The following PCIF1 variants were observed in gnomAD, a reference collection of about 807,000 sequenced individuals.
The protein encoded by PCIF1 is phosphorylated CTD interacting factor 1, also known as mRNA (2'-O-methyladenosine-N(6)-)-methyltransferase.
PCIF1 carries 12 observed loss-of-function variants against 86.9 expected under a neutral mutation model. The ratio of observed to expected loss-of-function variants is 0.14; its 90% CI spans 0.09 to 0.22. The LOEUF is 0.22. Ranked by LOEUF, PCIF1 falls within the 10% of genes least tolerant of loss-of-function variation. PCIF1 has a pLI of 1.00. For synonymous variants in PCIF1, 397 were observed against 372.0 expected, an observed-to-expected ratio of 1.07 and a Z score of -0.77; for missense variants, 701 against 951.1, an observed-to-expected ratio of 0.74 and a Z score of 3.46.
In PCIF1 at chr20:45,943,290, T is replaced by C. The variant is rs1173305215; in HGVS notation, c.821+46T>C. On this transcript the variant is annotated intron_variant, in intron 8 of 16. Transcript: ENST00000372409. This position sits in a 1 kb window ranked among gnomAD's most constrained non-coding sequence, Gnocchi z 5.5. ...ATGACCCTGGGCCATTTGGTTTCTG[T>C]GCCCAGTCATGTATAGAAGGCCTCT... 6.2e-7 allele frequency: 1 copy of C among 1,613,868 alleles called. No homozygotes were observed. The highest frequency in any genetic ancestry group is 2.2e-5 in the East Asian group (1 of 44,878).
rs756727180 is a variant in PCIF1 at position 45,946,313 on chromosome 20, A to G, written c.1542A>G (p.Ser514=). The G allele has an allele frequency of 1.1e-5, 18 of 1,613,904 alleles. No individual in the cohort carries two copies. The East Asian group carries it at 4.0e-4, about 36-fold the overall frequency. ...LFGVSFECFA[S]PLNCYFRQYC... ...GCGTCAGCTTCGAGTGCTTCGCCTC[A>G]CCCCTCAACTGCTACTTCCGCCAGT... The change falls in exon 14 of 17, where the codon TCA becomes TCG. Residue 514 remains serine, a synonymous_variant. Coordinates refer to ENST00000372409, the MANE Select transcript of PCIF1 (RefSeq NM_022104.4).
In PCIF1 at chr20:45,943,294, C is replaced by T; in HGVS notation, c.822-46C>T. On this transcript the variant is annotated intron_variant, in intron 8 of 16. Transcript: ENST00000372409. This position sits in a 1 kb window ranked among gnomAD's most constrained non-coding sequence, Gnocchi z 5.5. ...CCCTGGGCCATTTGGTTTCTGTGCC[C>T]AGTCATGTATAGAAGGCCTCTAACT... 1 of 1,613,828 alleles carries T rather than the reference C, an allele frequency of 6.2e-7. No individual in the cohort carries two copies. The highest frequency in any genetic ancestry group is 8.5e-7 in the Non-Finnish European group (1 of 1,179,720).
chr20:45,944,192 C>G (rs764446751), intron 10 of PCIF1, among the ~76,000 whole-genome samples: 10 of 152,118 alleles, frequency 6.6e-5, no homozygotes, highest in Non-Finnish European at 1.3e-4. Flanking sequence ...CTGGCCAAAA[C>G]CTATCACTTC....
intron 4 of PCIF1, among the ~76,000 whole-genome samples, chr20:45,939,757 AGAGT>A (rs2083454556): frequency 6.6e-6 from 1 of 152,216 alleles, no homozygotes; most frequent in Non-Finnish European, 1.5e-5. Context: ...TTAAGGTGAG[AGAGT>A]GAGTGAGTGT....
intron 7 of PCIF1, among the ~76,000 whole-genome samples, chr20:45,942,455 T>C (rs977888056): frequency 2.6e-5 from 4 of 151,092 alleles, no homozygotes; most frequent in African/African-American, 9.7e-5. Flanking sequence ...GCTGGGAATA[T>C]GGGCACATGC....
In PCIF1 at chr20:45,947,022, G is replaced by A; in HGVS notation, c.1614-51G>A. On this transcript the variant is annotated intron_variant, in intron 14 of 16. Transcript: ENST00000372409. The surrounding 1 kb of genome is among the most constrained non-coding windows in gnomAD (Gnocchi z 5.4). The stretch of plus-strand genomic sequence containing the variant: ...GGTTGGGGGGTGGCACCTGTTTCTG[G>A]TTGAGGGACTGGGTCCTGATGGGAC... 6.6e-7 allele frequency: 1 copy of A among 1,510,624 alleles called. No homozygotes were observed. The highest frequency in any genetic ancestry group is 9.1e-7 in the Non-Finnish European group (1 of 1,103,346). 93.6% of individuals were successfully genotyped at this position (1,510,624 alleles called of 1,614,324 possible). A position where few individuals can be genotyped will look rare whatever the true frequency, so the allele number is the denominator to read the frequency against.
At position 45,943,581 on chromosome 20, in the gene PCIF1, G is replaced by T. The variant is rs905912905; in HGVS notation, c.906-85G>T. 14 of 1,405,198 alleles carry T rather than the reference G, an allele frequency of 1.0e-5. No homozygotes were observed. In the African/African-American group the frequency reaches 1.3e-4, roughly 13 times the overall value. 87.0% of individuals were successfully genotyped at this position (1,405,198 alleles called of 1,614,324 possible). On this transcript the variant is annotated intron_variant, in intron 9 of 16. Coordinates refer to ENST00000372409, the MANE Select transcript of PCIF1 (RefSeq NM_022104.4). This position sits in a 1 kb window ranked among gnomAD's most constrained non-coding sequence, Gnocchi z 5.5. Reference sequence around the variant, plus strand: ...ACAAGGGCTGTGATGGAAGCTAGGGGTTGATACCCAGCGAGCCCATGGAAT... The same window carrying T: ...ACAAGGGCTGTGATGGAAGCTAGGGTTTGATACCCAGCGAGCCCATGGAAT...
rs1490686501 is a variant in PCIF1 at position 45,947,769 on chromosome 20, G to A, written c.*14G>A. On this transcript the variant is annotated 3_prime_UTR_variant, in exon 17 of 17. Transcript: ENST00000372409. This position sits in a 1 kb window ranked among gnomAD's most constrained non-coding sequence, Gnocchi z 5.4. ...CACCCCACTTAACATATCCTGCGGGGAGGAGGAGCCCCAGGGGTGCTAGTC... is the reference window on the plus strand; with the variant it reads ...CACCCCACTTAACATATCCTGCGGGAAGGAGGAGCCCCAGGGGTGCTAGTC... The A allele has an allele frequency of 1.3e-6, 2 of 1,590,986 alleles. No individual in the cohort carries two copies. Among genetic ancestry groups the A allele is most frequent in the African/African-American group, 1.3e-5 (1 of 74,254 alleles).
chr20:45,938,209 A>G (rs1213358977), intron 2 of PCIF1, among the ~76,000 whole-genome samples: 1 of 152,222 alleles, frequency 6.6e-6, no homozygotes, highest in Non-Finnish European at 1.5e-5. Context: ...TGGTACTTAC[A>G]GTAAATATTC....
rs2083437376 is a variant in PCIF1, at chr20:45,937,585, G to A, written c.-20G>A. 1 of 398,870 alleles carries A rather than the reference G, an allele frequency of 2.5e-6. No homozygotes were observed. The highest frequency in any genetic ancestry group is 2.1e-5 in the African/African-American group (1 of 48,746). 24.7% of individuals were successfully genotyped at this position (398,870 alleles called of 1,614,324 possible). ...CATGCTAACGTTGCAGACCCCAGAG[G>A]GTGAGAGAAAGGGGGACTTCATTCA... On this transcript the variant is annotated splice_region_variant and 5_prime_UTR_variant, in exon 2 of 17. Transcript: ENST00000372409.
In PCIF1 at chr20:45,943,039, G is replaced by A. The variant is rs1036021789; in HGVS notation, c.674-58G>A. 347 of 1,556,908 alleles carry A rather than the reference G, an allele frequency of 2.2e-4. No homozygotes were observed. Among genetic ancestry groups the A allele is most frequent in the Non-Finnish European group, 2.8e-4 (319 of 1,138,240 alleles). ...ATGCGATGCTTCCTATACGTGCCAA[G>A]CTCCAAGTGGGACTGCTTGATTAAA... is the stretch of plus-strand genomic sequence containing the variant. On this transcript the variant is annotated intron_variant, in intron 7 of 16. Coordinates refer to ENST00000372409, the MANE Select transcript of PCIF1 (RefSeq NM_022104.4). The surrounding 1 kb of genome is among the most constrained non-coding windows in gnomAD (Gnocchi z 5.5).
chr20:45,942,564 C>G (rs1600506142), intron 7 of PCIF1, among the ~76,000 whole-genome samples: 1 of 152,138 alleles, frequency 6.6e-6, no homozygotes, highest in East Asian at 1.9e-4. Flanking sequence ...ATCCACCCAT[C>G]TCGGCCTCCT....
chr20:45,935,366 G>A (rs535679561), intron 1 of PCIF1, among the ~76,000 whole-genome samples: 2 of 152,258 alleles, frequency 1.3e-5, no homozygotes, highest in Admixed American at 1.3e-4. Context: ...CTGGCTTCTG[G>A]TGGGTTTTTC....
In PCIF1 at chr20:45,941,094, A is replaced by G. The variant is rs574698419; in HGVS notation, c.560A>G (p.Lys187Arg). The change falls in exon 7 of 17, where the codon AAG becomes AGG. Residue 187 changes from lysine (K) to arginine (R), a missense_variant. Physicochemically the swap from Lys to Arg is conservative, Grantham distance 26. Around this residue, in one of 7 missense-constraint regions of PCIF1, gnomAD observed 125 missense variants for 126.8 expected, o/e 0.99. Coordinates refer to ENST00000372409, the MANE Select transcript of PCIF1 (RefSeq NM_022104.4). ...GACATCCAGACCAATGCTGTCATCAAGCACCGGGGGCCTTCAGAGGTGCTG... is the reference window on the plus strand; with the variant it reads ...GACATCCAGACCAATGCTGTCATCAGGCACCGGGGGCCTTCAGAGGTGCTG... The part of the protein sequence containing the change: ...DLDIQTNAVI[K>R]HRGPSEVLPP... 1.7e-4 allele frequency: 273 copies of G among 1,614,210 alleles called. 4 individuals carry two copies. The South Asian group carries it at 2.9e-3, about 17-fold the overall frequency.
intron 1 of PCIF1, among the ~76,000 whole-genome samples, chr20:45,936,750 G>A (rs958404947): frequency 6.6e-6 from 1 of 152,088 alleles, no homozygotes; most frequent in African/African-American, 2.4e-5. Context: ...GGCCAACATG[G>A]TGAAATCCCG....
rs201444594 is a variant in PCIF1, at chr20:45,946,020, G to A, written c.1342-9G>A. 9.3e-6 allele frequency: 15 copies of A among 1,613,970 alleles called. No homozygotes were observed. The highest frequency in any genetic ancestry group is 3.3e-5 in the Admixed American group (2 of 59,996). On this transcript the variant is annotated splice_polypyrimidine_tract_variant and intron_variant, in intron 12 of 16. Transcript: ENST00000372409. ...GCTGAAGGCTCCTCCTCTCTGTCCCGCTCCACAGTGGCTCCTTTACCGCTA... is the reference window on the plus strand; with the variant it reads ...GCTGAAGGCTCCTCCTCTCTGTCCCACTCCACAGTGGCTCCTTTACCGCTA...
intron 2 of PCIF1, 46 bp from the exon 3 acceptor site, chr20:45,938,935 C>A: frequency 6.3e-7 from 1 of 1,597,918 alleles, no homozygotes; most frequent in Non-Finnish European, 8.5e-7. Context: ...TTGTAATTGG[C>A]GGGTGAGGGG....
In PCIF1 at chr20:45,941,113, G is replaced by A. The variant is rs1415701030; in HGVS notation, c.579G>A (p.Glu193=). The A allele has an allele frequency of 5.0e-6, 8 of 1,614,094 alleles. No individual in the cohort carries two copies. The highest frequency in any genetic ancestry group is 6.8e-6 in the Non-Finnish European group (8 of 1,180,044). ...NAVIKHRGPS[E]VLPPHPEVEL... is the part of the protein sequence containing the mutation. The stretch of plus-strand genomic sequence containing the variant: ...TCATCAAGCACCGGGGGCCTTCAGA[G>A]GTGCTGCCCCCGCATCCCGAAGTGG... The change falls in exon 7 of 17, where the codon GAG becomes GAA. Residue 193 remains glutamate, a synonymous_variant. Transcript: ENST00000372409.
chr20:45,940,926 C>A lies in PCIF1; in HGVS notation c.505C>A (p.Leu169Ile), dbSNP rs371513868. The A allele has an allele frequency of 6.1e-5, 99 of 1,614,022 alleles. No individual in the cohort carries two copies. The highest frequency in any genetic ancestry group is 8.1e-5 in the Non-Finnish European group (95 of 1,180,010). The change falls in exon 6 of 17, where the codon CTA becomes ATA. Residue 169 changes from leucine to isoleucine, a missense_variant. By Grantham distance (5) the Leu-to-Ile change is conservative (BLOSUM62 2). Around this residue, in one of 7 missense-constraint regions of PCIF1, gnomAD observed 125 missense variants for 126.8 expected, o/e 0.99. Coordinates refer to ENST00000372409, the MANE Select transcript of PCIF1 (RefSeq NM_022104.4). ...TGAAGATAAACAGCAGGCAGCTCTC[C>A]TACGACCCACTGAGTGAGTCCCTGC... ...SPEDKQQAAL[L>I]RPTEVYWDLD... is the part of the protein sequence containing the mutation.
Sources: allele counts gnomAD v4.1 joint callset (sites outside exome capture counted in the v4.1 genomes callset), GRCh38; gene constraint gnomAD v4.1.1; regional missense constraint gnomAD v4.1.1; non-coding constraint Gnocchi (gnomAD v3.1); transcripts MANE v1.5; gene names NCBI Gene and HGNC (gene_info 2026-07-23, HGNC 2026-07-21).